The following BMX variants were observed in gnomAD, a reference collection of about 807,000 sequenced individuals.
The protein encoded by BMX is BMX non-receptor tyrosine kinase.
A neutral mutation model predicts 59.2 loss-of-function variants in BMX; 31 were observed. The observed-to-expected ratio is 0.52, with a 90% CI of 0.39 to 0.71. The LOEUF (loss-of-function observed/expected upper bound fraction) is 0.71. Ranked by LOEUF, BMX falls within the 30% of genes least tolerant of loss-of-function variation. BMX has a pLI of 0.00. For synonymous variants in BMX, 185 were observed against 181.0 expected, an observed-to-expected ratio of 1.02 and a Z score of -0.18; for missense variants, 474 against 491.7, an observed-to-expected ratio of 0.96 and a Z score of 0.34.
intron 14 of BMX, among the ~76,000 whole-genome samples, chrX:15,538,100 C>T (rs145229707): frequency 1.2e-3 from 131 of 111,099 alleles, no homozygotes; most frequent in African/African-American, 3.6e-3. Flanking sequence ...CAATTATTGG[C>T]AATACATATG....
rs187192935 is a variant in BMX, at chrX:15,529,032, A to G, written c.885-941A>G. Among the ~76,000 whole-genome samples the G allele has an allele frequency of 4.5e-5, 5 of 112,139 alleles. No homozygotes were observed. The East Asian group carries it at 1.1e-3, about 25-fold the overall frequency. ...ATGGTAGAGTTAAAAGAGACTTTCAAACTTATCAAGATCAACCCTCTCCCT... is the reference window on the plus strand; with the variant it reads ...ATGGTAGAGTTAAAAGAGACTTTCAGACTTATCAAGATCAACCCTCTCCCT... On this transcript the variant is annotated intron_variant, in intron 9 of 18. Coordinates refer to ENST00000348343, the MANE Select transcript of BMX (RefSeq NM_203281.3).
In BMX at chrX:15,525,431, C is replaced by T. The variant is rs1924668442; in HGVS notation, c.830+66C>T. On this transcript the variant is annotated intron_variant, in intron 8 of 18. Coordinates refer to ENST00000348343, the MANE Select transcript of BMX (RefSeq NM_203281.3). ...TCCATTTTCAGGAAAACTAACCAAA[C>T]TTGCAATAATTTTGCAGCTAGGCTT... is the stretch of plus-strand genomic sequence containing the variant. The T allele has an allele frequency of 4.7e-6, 5 of 1,065,713 alleles. No homozygotes were observed. The Admixed American group carries it at 6.9e-5, about 15-fold the overall frequency. 87.8% of individuals were successfully genotyped at this position (1,065,713 alleles called of 1,213,427 possible).
At chrX:15,546,276 T>C (rs1306165471) in intron 16 of BMX, among the ~76,000 whole-genome samples, 3 of 112,098 alleles carry the variant, frequency 2.7e-5, no homozygotes, top group African/African-American at 9.7e-5. Context: ...GCAATTTACC[T>C]GGTTAAATAA....
In BMX at chrX:15,540,647, G is replaced by T. The variant is rs60313393; in HGVS notation, c.1395-1335G>T. Among the ~76,000 whole-genome samples, 39 of 110,702 alleles carry T rather than the reference G, an allele frequency of 3.5e-4. No homozygotes were observed. In the East Asian group the frequency reaches 9.1e-3, roughly 26 times the overall value. On this transcript the variant is annotated intron_variant, in intron 14 of 18. Coordinates refer to ENST00000348343, the MANE Select transcript of BMX (RefSeq NM_203281.3). Reference sequence around the variant, plus strand: ...AATAAAAACCCTATGCAAACTAAAAGACAAATGATAAACTGAGCAAAATTA... The same window carrying T: ...AATAAAAACCCTATGCAAACTAAAATACAAATGATAAACTGAGCAAAATTA...
Position 15,542,191 on chromosome X carries a change from G to A in BMX, c.1604G>A (p.Arg535Gln), listed in dbSNP as rs1180445272. 2 of 1,209,512 alleles carry A rather than the reference G, an allele frequency of 1.7e-6. No homozygotes were observed. Among genetic ancestry groups the A allele is most frequent in the Non-Finnish European group, 1.1e-6 (1 of 893,809 alleles). The change falls in exon 15 of 19, where the codon CGG becomes CAG. Residue 535 changes from arginine (R) to glutamine (Q), a missense_variant. Arg to Gln is a conservative substitution (Grantham distance 43). Coordinates refer to ENST00000348343, the MANE Select transcript of BMX (RefSeq NM_203281.3). Reference sequence around the variant, plus strand: ...TTGGAGAGTCACCAATTCATACACCGGGACTTGGTAAGCAAAGCCATTGGA... The same window carrying A: ...TTGGAGAGTCACCAATTCATACACCAGGACTTGGTAAGCAAAGCCATTGGA... ...AFLESHQFIH[R>Q]DLAARNCLVD...
At chrX:15,550,096 T>C (rs1034628155) in intron 18 of BMX, 99 bp downstream of exon 18, 31 of 1,013,968 alleles carry the variant, frequency 3.1e-5, no homozygotes, top group Non-Finnish European at 3.9e-5. Flanking sequence ...GGAAAGCAAC[T>C]GGTACAGAGC....
At chrX:15,519,712 C>T (rs907501241) in intron 6 of BMX, among the ~76,000 whole-genome samples, 1 of 111,920 alleles carries the variant, frequency 8.9e-6, no homozygotes, top group Admixed American at 9.5e-5. Context: ...GCACTGGCAT[C>T]GGCATCTGAT....
At chrX:15,511,154 T>C (rs1923939559) in intron 3 of BMX, among the ~76,000 whole-genome samples, 1 of 112,070 alleles carries the variant, frequency 8.9e-6, no homozygotes, top group Non-Finnish European at 1.9e-5. Context: ...ATGTCTAACA[T>C]ATTAATGTCC....
At chrX:15,514,487 G>A (rs1038827171) in intron 4 of BMX, among the ~76,000 whole-genome samples, 1 of 111,217 alleles carries the variant, frequency 9.0e-6, no homozygotes, top group Non-Finnish European at 1.9e-5. Flanking sequence ...CTTGAGTCAG[G>A]ACTGTAAGGA....
chrX:15,543,122 T>C lies in BMX; in HGVS notation c.1663T>C (p.Phe555Leu), dbSNP rs754312789. ...DRDLCVKVSDFGMTRYVLDDQ... is the reference protein window; with the variant it reads ...DRDLCVKVSDLGMTRYVLDDQ... Reference sequence around the variant, plus strand: ...AGATCTCTGTGTGAAAGTATCTGACTTTGGAATGACAAGGTAAGCCAATTC... The same window carrying C: ...AGATCTCTGTGTGAAAGTATCTGACCTTGGAATGACAAGGTAAGCCAATTC... Residue 555 changes from phenylalanine to leucine, a missense_variant, in exon 16 of 19, where the codon TTT (phenylalanine) becomes CTT (leucine). Transcript: ENST00000348343. The C allele has an allele frequency of 3.3e-6, 4 of 1,208,237 alleles. No homozygotes were observed. The highest frequency in any genetic ancestry group is 1.8e-5 in the South Asian group (1 of 56,401).
chrX:15,511,537 T>C lies in BMX; in HGVS notation c.325+19T>C, dbSNP rs373097386. The C allele has an allele frequency of 4.3e-6, 5 of 1,174,968 alleles. No individual in the cohort carries two copies. Among genetic ancestry groups the C allele is most frequent in the South Asian group, 1.9e-5 (1 of 52,747 alleles). Reference sequence around the variant, plus strand: ...CAAAAAGGTAATTCAAAAAAAGAAATGTTGAAAGAGAAAGGTCAAAAAAAG... The same window carrying C: ...CAAAAAGGTAATTCAAAAAAAGAAACGTTGAAAGAGAAAGGTCAAAAAAAG... On this transcript the variant is annotated intron_variant, in intron 4 of 18. Coordinates refer to ENST00000348343, the MANE Select transcript of BMX (RefSeq NM_203281.3).
chrX:15,536,557 C>A, intron 13 of BMX, 130 bp downstream of exon 13: 1 of 477,727 alleles, frequency 2.1e-6, no homozygotes. Context: ...CAGATTGTAT[C>A]AGGAAGGATT....
chrX:15,526,218 C>G, intron 9 of BMX, 123 bp downstream of exon 9: 1 of 550,534 alleles, frequency 1.8e-6, no homozygotes, highest in Non-Finnish European at 2.8e-6. Flanking sequence ...CATGGGTAAA[C>G]TCACGTAATG....
chrX:15,538,292 C>A (rs1048473499), intron 14 of BMX, among the ~76,000 whole-genome samples: 1 of 110,184 alleles, frequency 9.1e-6, no homozygotes, highest in Non-Finnish European at 1.9e-5. Context: ...TGTAGAGTGA[C>A]CACCATTCAG....
intron 16 of BMX, among the ~76,000 whole-genome samples, chrX:15,544,585 C>A (rs932276866): frequency 1.1e-4 from 12 of 111,359 alleles, no homozygotes; most frequent in African/African-American, 3.9e-4. Context: ...AAAAAAAGAT[C>A]CAAAGAAAAA....
intron 14 of BMX, among the ~76,000 whole-genome samples, 155 bp downstream of exon 14, chrX:15,537,460 T>A (rs919890308): frequency 8.9e-6 from 1 of 112,347 alleles, no homozygotes; most frequent in South Asian, 3.7e-4. Flanking sequence ...ACTAACAGAC[T>A]ATTAAATCAA....
In BMX at chrX:15,556,070, T is replaced by C; in HGVS notation, c.1954-3T>C. The C allele has an allele frequency of 8.3e-7, 1 of 1,202,714 alleles. No homozygotes were observed. Among genetic ancestry groups the C allele is most frequent in the Non-Finnish European group, 1.1e-6 (1 of 891,503 alleles). ...CATTGGGTTTCTTGTTGTTTTTGTT[T>C]AGCTTCCAGAAAAGCGTCCCACATT... On this transcript the variant is annotated splice_region_variant and splice_polypyrimidine_tract_variant and intron_variant, in intron 18 of 18. Coordinates refer to ENST00000348343, the MANE Select transcript of BMX (RefSeq NM_203281.3).
chrX:15,541,908 G>A, intron 14 of BMX, 74 bp from the exon 15 acceptor site: 1 of 963,163 alleles, frequency 1.0e-6, no homozygotes, highest in Non-Finnish European at 1.5e-6. Context: ...ACAGAAATCT[G>A]AGAGCAACTC....
At position 15,550,095 on chromosome X, in the gene BMX, C is replaced by T. The variant is rs7058982; in HGVS notation, c.1953+98C>T. On this transcript the variant is annotated intron_variant, in intron 18 of 18. Coordinates refer to ENST00000348343, the MANE Select transcript of BMX (RefSeq NM_203281.3). ...ACAAAGCTTTTTTGAGGGAAAGCAA[C>T]TGGTACAGAGCAGGAGAGAATGGTC... 4,224 of 1,014,582 alleles carry T rather than the reference C, an allele frequency of 4.2e-3. 102 individuals carry two copies. The African/African-American group carries it at 0.065, about 16-fold the overall frequency. 83.6% of individuals were successfully genotyped at this position (1,014,582 alleles called of 1,213,427 possible).
Sources: gnomAD v4.1 joint callset for allele counts (sites outside exome capture counted in the v4.1 genomes callset) on GRCh38, gnomAD v4.1.1 for gene constraint, MANE v1.5 for transcripts, NCBI Gene and HGNC (gene_info 2026-07-23, HGNC 2026-07-21) for gene names.